ADGRB3: variants seen among roughly 807,000 people sequenced by gnomAD.
ADGRB3 encodes brain-specific angiogenesis inhibitor 3.
ADGRB3 carries 37 observed loss-of-function variants against 193.4 expected under a neutral mutation model. The ratio of observed to expected loss-of-function variants is 0.19; its 90% CI spans 0.15 to 0.25. ADGRB3 has a LOEUF of 0.25. Among genes scored for constraint, ADGRB3 ranks in the 10% least tolerant of loss-of-function variants. The pLI is 1.00. For synonymous variants in ADGRB3, 690 were observed against 644.2 expected (o/e 1.07, Z -1.08); for missense variants, 1,637 against 1,852.9 (o/e 0.88, Z 2.14).
intron 17 of ADGRB3, among the ~76,000 whole-genome samples, chr6:69,115,266 T>C (rs1400716132): frequency 6.6e-6 from 1 of 152,142 alleles, no homozygotes; most frequent in African/African-American, 2.4e-5. Flanking sequence ...TATGCAGCCA[T>C]AGAAAAGGAT....
chr6:68,893,524 C>A, intron 3 of ADGRB3, among the ~76,000 whole-genome samples: 1 of 150,044 alleles, frequency 6.7e-6, no homozygotes, highest in South Asian at 2.1e-4. Context: ...CCAGGACAAC[C>A]AACTCTTTTT....
chr6:68,839,235 T>A (rs572082624), intron 3 of ADGRB3, among the ~76,000 whole-genome samples: 1 of 152,306 alleles, frequency 6.6e-6, no homozygotes, highest in South Asian at 2.1e-4. Flanking sequence ...CTCTTAGGAA[T>A]TGCAACAACA....
intron 3 of ADGRB3, among the ~76,000 whole-genome samples, chr6:68,839,473 T>C (rs1768109608): frequency 6.6e-6 from 1 of 152,232 alleles, no homozygotes; most frequent in South Asian, 2.1e-4. Flanking sequence ...TGCTCCATCA[T>C]TCTCCCAAGT....
chr6:68,790,368 A>T lies in ADGRB3; in HGVS notation c.758-140191A>T, dbSNP rs1767076662. ...TAGGCTCCACCTCTGGGGGCAGTTC[A>T]CAGACAAACAAAAAGACAGCACTAA... On this transcript the variant is annotated intron_variant, in intron 3 of 31. Transcript: ENST00000370598. Among the ~76,000 whole-genome samples, 8 of 152,300 alleles carry T rather than the reference A, an allele frequency of 5.3e-5. No individual in the cohort carries two copies. The South Asian group carries it at 1.7e-3, about 32-fold the overall frequency.
chr6:69,206,278 C>T (rs190169778), intron 17 of ADGRB3, among the ~76,000 whole-genome samples: 2 of 151,896 alleles, frequency 1.3e-5, no homozygotes, highest in African/African-American at 4.8e-5. Context: ...TTTCTGCCTG[C>T]TTATATTCTA....
chr6:69,119,862 A>G (rs996851785), intron 17 of ADGRB3, among the ~76,000 whole-genome samples: 1 of 152,172 alleles, frequency 6.6e-6, no homozygotes, highest in Non-Finnish European at 1.5e-5. Flanking sequence ...AATGAGATAA[A>G]CTTACATTTT....
At chr6:68,748,995 C>T (rs1264337285) in intron 3 of ADGRB3, among the ~76,000 whole-genome samples, 1 of 152,164 alleles carries the variant, frequency 6.6e-6, no homozygotes, top group African/African-American at 2.4e-5. Flanking sequence ...TACATTGGCC[C>T]CTTTCAGCCA....
intron 26 of ADGRB3, among the ~76,000 whole-genome samples, chr6:69,348,319 A>G (rs1196317561): frequency 6.6e-6 from 1 of 151,564 alleles, no homozygotes; most frequent in Admixed American, 6.6e-5. Context: ...GCTGTTCCCT[A>G]CTCTGGGTAG....
chr6:68,696,779 A>G (rs971851538), intron 3 of ADGRB3, among the ~76,000 whole-genome samples: 2 of 152,036 alleles, frequency 1.3e-5, no homozygotes, highest in African/African-American at 4.8e-5. Flanking sequence ...TTATTTTTAT[A>G]TTACAGGAGG....
At chr6:69,048,757 G>A (rs1037263125) in intron 14 of ADGRB3, among the ~76,000 whole-genome samples, 1 of 151,982 alleles carries the variant, frequency 6.6e-6, no homozygotes, top group Admixed American at 6.6e-5. Flanking sequence ...TTTAATACCT[G>A]GATGATAAAA....
chr6:69,379,814 T>G (rs1367943011), intron 30 of ADGRB3, among the ~76,000 whole-genome samples: 1 of 151,974 alleles, frequency 6.6e-6, no homozygotes, highest in Admixed American at 6.6e-5. Context: ...GAATGAATAT[T>G]TGGCATGAGG....
chr6:68,673,661 G>A (rs888614448), intron 3 of ADGRB3, among the ~76,000 whole-genome samples: 3 of 152,104 alleles, frequency 2.0e-5, no homozygotes, highest in African/African-American at 7.2e-5. Flanking sequence ...TCTTTATCCT[G>A]CTACTTCCCT....
At chr6:69,309,421 G>A (rs146305691) in intron 20 of ADGRB3, among the ~76,000 whole-genome samples, 1 of 151,780 alleles carries the variant, frequency 6.6e-6, no homozygotes, top group East Asian at 1.9e-4. Flanking sequence ...CTGGAAGAAT[G>A]CATCTTCCTC....
In ADGRB3 at chr6:69,016,692, C is replaced by T. The variant is rs992900372; in HGVS notation, c.1999-1699C>T. Among the ~76,000 whole-genome samples, 13 of 151,994 alleles carry T rather than the reference C, an allele frequency of 8.6e-5. No individual in the cohort carries two copies. The East Asian group carries it at 2.5e-3, about 29-fold the overall frequency. The stretch of plus-strand genomic sequence containing the variant: ...TGTATATTTACCTCTCAAAGAGAGA[C>T]ATTCCTGGATCTTTAAGCTTGTAGG... On this transcript the variant is annotated intron_variant, in intron 12 of 31. Transcript: ENST00000370598.
chr6:69,240,948 C>T lies in ADGRB3; in HGVS notation c.2814+1722C>T, dbSNP rs143321978. 7.1e-3 allele frequency among the ~76,000 whole-genome samples: 1,080 copies of T among 152,128 alleles called. 20 individuals carry two copies. Among genetic ancestry groups the T allele is most frequent in the African/African-American group, 0.025 (1,022 of 41,548 alleles). Reference sequence around the variant, plus strand: ...AAAGTCAAGCTAAAGCCAGCTAGAGCTCAGAGTTTAAGTTTTTTTCACAAA... The same window carrying T: ...AAAGTCAAGCTAAAGCCAGCTAGAGTTCAGAGTTTAAGTTTTTTTCACAAA... On this transcript the variant is annotated intron_variant, in intron 20 of 31. Coordinates refer to ENST00000370598, the MANE Select transcript of ADGRB3 (RefSeq NM_001704.3).
At chr6:68,950,257 G>C (rs748686208) in intron 6 of ADGRB3, among the ~76,000 whole-genome samples, 4 of 152,020 alleles carry the variant, frequency 2.6e-5, no homozygotes, top group Non-Finnish European at 4.4e-5. Context: ...CGGTCCCACT[G>C]TATTTCCCAA....
chr6:68,868,547 A>C (rs557381908), intron 3 of ADGRB3, among the ~76,000 whole-genome samples: 2 of 152,300 alleles, frequency 1.3e-5, no homozygotes, highest in South Asian at 4.2e-4. Context: ...CAAATCCACA[A>C]AACTGGTTTA....
chr6:68,818,930 T>C (rs1227952611), intron 3 of ADGRB3, among the ~76,000 whole-genome samples: 1 of 89,158 alleles, frequency 1.1e-5, no homozygotes, highest in Non-Finnish European at 2.2e-5. Context: ...GATTGATAAG[T>C]ACATGTTTCA....
intron 17 of ADGRB3, among the ~76,000 whole-genome samples, chr6:69,209,749 A>G (rs920540394): frequency 6.6e-6 from 1 of 152,206 alleles, no homozygotes; most frequent in African/African-American, 2.4e-5. Flanking sequence ...CAATGGCTAC[A>G]TACCAGGTAC....
Sources: allele counts gnomAD v4.1 joint callset (sites outside exome capture counted in the v4.1 genomes callset), GRCh38; gene constraint gnomAD v4.1.1; transcripts MANE v1.5; gene names NCBI Gene and HGNC (gene_info 2026-07-23, HGNC 2026-07-21).